The following PCSK4 variants were observed in gnomAD, a reference collection of about 807,000 sequenced individuals.
The protein encoded by PCSK4 is testicular tissue protein Li 135.
In PCSK4, 64 loss-of-function variants were observed where a neutral mutation model predicts 80.3. That is an observed-to-expected ratio of 0.80 (90% confidence interval 0.65 to 0.98). The LOEUF (loss-of-function observed/expected upper bound fraction) is 0.98, where lower values mean the gene tolerates loss of function less well. Among genes scored for constraint, PCSK4 ranks in the 50% least tolerant of loss-of-function variants. The pLI is 0.00. For missense variants in PCSK4, 1,213 were observed against 1,093.6 expected, an observed-to-expected ratio of 1.11 and a Z score of -1.54; for synonymous variants, 561 against 487.6, an observed-to-expected ratio of 1.15 and a Z score of -1.98.
chr19:1,484,539 T>C (rs111843249), intron 8 of PCSK4, among the ~76,000 whole-genome samples: 2,460 of 145,436 alleles, frequency 0.017, 29 homozygotes, highest in East Asian at 0.052. Flanking sequence ...TACCAAGGGC[T>C]GGGTGCGGTG....
exon 15 of PCSK4, chr19:1,481,438 G>C (rs548362508): frequency 4.0e-6 from 1 of 250,714 alleles, no homozygotes; most frequent in South Asian, 1.4e-4. Context: ...CACCTTCTAA[G>C]CAACCTTTAT....
Position 1,489,904 on chromosome 19 carries a change from A to T in PCSK4, c.190-7T>A, listed in dbSNP as rs1301768432. On this transcript the variant is annotated splice_polypyrimidine_tract_variant and splice_region_variant and intron_variant, in intron 1 of 14. Coordinates refer to ENST00000300954, the Ensembl canonical transcript of PCSK4. ...ACTGCCCGTCAGGGAAGATCTGGGG[A>T]TGTGGGGAAGCGGCCGCACCGATGG... The T allele has an allele frequency of 3.1e-6, 5 of 1,601,962 alleles. No individual in the cohort carries two copies. The highest frequency in any genetic ancestry group is 1.3e-5 in the African/African-American group (1 of 74,532).
At chr19:1,481,547 C>G (rs1354934823) in exon 15 of PCSK4, 3 of 445,882 alleles carry the variant, frequency 6.7e-6, no homozygotes, top group Non-Finnish European at 1.2e-5. Flanking sequence ...AGCCTCTCCC[C>G]CCAGCCCACT....
At chr19:1,488,345 G>C in intron 2 of PCSK4, 65 bp from the exon 3 acceptor site, 1 of 1,248,682 alleles carries the variant, frequency 8.0e-7, no homozygotes, top group Non-Finnish European at 1.1e-6. Context: ...GTGGTTCAGG[G>C]AGTGAGGCAG....
At chr19:1,489,662 G>T (rs1308295909) in intron 2 of PCSK4, 131 bp downstream of exon 2, 9 of 1,445,726 alleles carry the variant, frequency 6.2e-6, no homozygotes, top group Non-Finnish European at 7.3e-6. Context: ...TAGACTTGGG[G>T]CCCGGGCGGG....
intron 8 of PCSK4, 30 bp from the exon 9 acceptor site, chr19:1,484,157 G>T (rs538863409): frequency 6.3e-6 from 8 of 1,278,070 alleles, no homozygotes; most frequent in Non-Finnish European, 4.4e-6. Flanking sequence ...GGACTCGGGG[G>T]GCCGTGCACA....
At chr19:1,484,059 C>A in exon 9 of PCSK4, 2 of 1,561,228 alleles carry the variant, frequency 1.3e-6, no homozygotes, top group Admixed American at 1.9e-5. Flanking sequence ...TCATGCCGGC[C>A]GCCAGTGGGG....
In PCSK4 at chr19:1,487,333, G is replaced by A. The variant is rs1381094139; in HGVS notation, c.683-20C>T. 1.3e-6 allele frequency: 2 copies of A among 1,564,454 alleles called. No individual in the cohort carries two copies. The highest frequency in any genetic ancestry group is 1.1e-5 in the South Asian group (1 of 88,058). On this transcript the variant is annotated intron_variant, in intron 6 of 14. Coordinates refer to ENST00000300954, the Ensembl canonical transcript of PCSK4. ...GTACGCCTGCAGAGCCAGGGCGGGA[G>A]GGCCGCTGCCACCGGCCCTGCCCTT...
In PCSK4 at chr19:1,487,611, C is replaced by T. The variant is rs762364192; in HGVS notation, c.674G>A (p.Arg225Gln). 7.3e-5 allele frequency: 113 copies of T among 1,550,942 alleles called. No homozygotes were observed. Among genetic ancestry groups the T allele is most frequent in the Non-Finnish European group, 9.5e-5 (109 of 1,147,234 alleles). The stretch of plus-strand genomic sequence containing the variant: ...TGGGGGACCCCGGGTACCTCCGATT[C>T]GGGCGTTGAAAGCGACCCCCACACC... The change falls in exon 6 of 15, where the codon CGA becomes CAA. Residue 225 changes from arginine to glutamine, a missense_variant. Transcript: ENST00000300954.
In PCSK4 at chr19:1,485,647, G is replaced by A. The variant is rs911075789; in HGVS notation, c.1068+1206C>T. Among the ~76,000 whole-genome samples, 7 of 151,722 alleles carry A rather than the reference G, an allele frequency of 4.6e-5. No homozygotes were observed. In the South Asian group the frequency reaches 6.2e-4, roughly 14 times the overall value. On this transcript the variant is annotated intron_variant, in intron 8 of 14. Coordinates refer to ENST00000300954, the Ensembl canonical transcript of PCSK4. ...AGCACTTTGGGAGGCCGAGGTGGGC[G>A]GATCACGAGGTCAGGAGATCGAGAT...
At chr19:1,482,175 GCTGTCC>G in exon 15 of PCSK4, 1 of 1,555,478 alleles carries the variant, frequency 6.4e-7, no homozygotes, top group Non-Finnish European at 8.6e-7. Context: ...GCCAGGCAGA[GCTGTCC>G]CAGGATGTAG....
In PCSK4 at chr19:1,488,212, G is replaced by GGGGTCCGTGGGCACCACGACAGAGCGTTT. The variant is rs751378052; in HGVS notation, c.334_362dup (p.Trp122AsnfsTer18). On this transcript the variant is annotated frameshift_variant, in exon 3 of 15. Coordinates refer to ENST00000300954, the Ensembl canonical transcript of PCSK4. LOFTEE classifies it high-confidence loss of function. The stretch of plus-strand genomic sequence containing the variant: ...CCATGTACCACTGCTTGGAGAACCA[G>GGGGTCCGTGGGCACCACGACAGAGCGTTT]GGGTCCGTGGGCACCACGACAGAGC... The GGGGTCCGTGGGCACCACGACAGAGCGTTT allele has an allele frequency of 6.2e-7, 1 of 1,613,518 alleles. No homozygotes were observed. Among genetic ancestry groups the GGGGTCCGTGGGCACCACGACAGAGCGTTT allele is most frequent in the Non-Finnish European group, 8.5e-7 (1 of 1,179,928 alleles).
Position 1,486,933 on chromosome 19 carries a change from G to A in PCSK4, c.988C>T (p.Arg330Cys), listed in dbSNP as rs138039746. The A allele has an allele frequency of 7.0e-5, 113 of 1,605,878 alleles. No homozygotes were observed. Among genetic ancestry groups the A allele is most frequent in the Admixed American group, 8.3e-5 (5 of 60,018 alleles). Residue 330 changes from arginine (R) to cysteine (C), a missense_variant, in exon 8 of 15, where the codon CGC (arginine) becomes TGC (cysteine). Arg to Cys is a radical substitution (Grantham distance 180). Coordinates refer to ENST00000300954, the Ensembl canonical transcript of PCSK4. ...CAGGCTTCGCTGTACCAGGGCACGCGGCCCTGCTGGGTGGTGCTGCCCACG... is the reference window on the plus strand; with the variant it reads ...CAGGCTTCGCTGTACCAGGGCACGCAGCCCTGCTGGGTGGTGCTGCCCACG...
intron 14 of PCSK4, 32 bp from the exon 15 acceptor site, chr19:1,482,239 A>G (rs752518464): frequency 3.0e-5 from 46 of 1,523,866 alleles, no homozygotes; most frequent in Non-Finnish European, 1.5e-5. Context: ...AAGGCCCGTC[A>G]GCTTGCCACC....
At chr19:1,482,644 C>G in intron 13 of PCSK4, 169 bp from the exon 14 acceptor site, 1 of 889,322 alleles carries the variant, frequency 1.1e-6, no homozygotes, top group East Asian at 2.7e-5. Flanking sequence ...ACACCGACAT[C>G]TCCCGGGTGA....
chr19:1,488,741 C>T (rs968846334), intron 2 of PCSK4, among the ~76,000 whole-genome samples: 1 of 152,186 alleles, frequency 6.6e-6, no homozygotes, highest in African/African-American at 2.4e-5. Context: ...CCACCATGCC[C>T]GGCTAATTTT....
At chr19:1,487,430 C>G in intron 6 of PCSK4, 117 bp from the exon 7 acceptor site, 1 of 1,029,382 alleles carries the variant, frequency 9.7e-7, no homozygotes, top group Non-Finnish European at 1.4e-6. Context: ...TCTCTGCTCC[C>G]TGGAGTGGGA....
At chr19:1,483,603 C>T (rs1159852712) in intron 11 of PCSK4, 47 bp downstream of exon 11, 1 of 1,491,344 alleles carries the variant, frequency 6.7e-7, no homozygotes, top group Non-Finnish European at 9.1e-7. Context: ...CAGGCCTGTC[C>T]CCCACACCCC....
chr19:1,487,009 G>T (rs761409585), exon 8 of PCSK4: 7 of 1,609,260 alleles, frequency 4.3e-6, no homozygotes, highest in Non-Finnish European at 5.1e-6. Flanking sequence ...AGTTGTCGTA[G>T]TGCAGGCCGC....
Sources: gnomAD v4.1 joint callset for allele counts (sites outside exome capture counted in the v4.1 genomes callset) on GRCh38, gnomAD v4.1.1 for gene constraint, MANE v1.5 for transcripts, NCBI Gene and HGNC (gene_info 2026-07-23, HGNC 2026-07-21) for gene names.